LSM1: variants seen among roughly 807,000 people sequenced by gnomAD.
The protein encoded by LSM1 is U6 snRNA-associated Sm-like protein LSm1.
Under a neutral mutation model 18.0 loss-of-function variants are expected in LSM1, and 13 were observed. That is an observed-to-expected ratio of 0.72 (90% CI 0.47 to 1.15). LSM1 has a LOEUF of 1.15. Ranked by LOEUF, LSM1 falls within the 50% of genes most tolerant of loss-of-function variation. The pLI is 0.00. For synonymous variants in LSM1, 46 were observed against 56.0 expected (o/e 0.82, Z 0.80); for missense variants, 152 against 157.7 (o/e 0.96, Z 0.19).
chr8:38,176,187 C>A (rs1803139314), intron 1 of LSM1, 88 bp downstream of exon 1: 1 of 1,131,924 alleles, frequency 8.8e-7, no homozygotes, highest in Non-Finnish European at 1.3e-6. Context: ...CCGCCCGGGA[C>A]TCATTCTACA....
In LSM1 at chr8:38,169,933, G is replaced by A. The variant is rs1453636163; in HGVS notation, c.116-16C>T. 1 of 1,393,200 alleles carries A rather than the reference G, an allele frequency of 7.2e-7. No homozygotes were observed. Among genetic ancestry groups the A allele is most frequent in the South Asian group, 1.2e-5 (1 of 84,832 alleles). The allele number at this position is 1,393,200 out of a possible 1,614,324, so 86.3% of individuals were successfully genotyped here. A position where few individuals can be genotyped will look rare whatever the true frequency, so the allele number is the denominator to read the frequency against. ...ACTAAGTTTGCTGTAAGTGTATAGG[G>A]AAAAACCAAAGATATTTAGTTTAAA... On this transcript the variant is annotated splice_polypyrimidine_tract_variant and intron_variant, in intron 2 of 3. Transcript: ENST00000311351.
At chr8:38,175,497 A>C (rs559678127) in intron 1 of LSM1, among the ~76,000 whole-genome samples, 1 of 152,222 alleles carries the variant, frequency 6.6e-6, no homozygotes, top group Non-Finnish European at 1.5e-5. Context: ...CATGATTAAA[A>C]CAATAAAAAA....
chr8:38,168,929 T>A (rs990872716), intron 3 of LSM1, among the ~76,000 whole-genome samples: 1 of 152,092 alleles, frequency 6.6e-6, no homozygotes, highest in Non-Finnish European at 1.5e-5. Flanking sequence ...CTGTTAAAAA[T>A]GGCTACAAAC....
chr8:38,164,470 C>A (rs1802895167), intron 3 of LSM1, among the ~76,000 whole-genome samples: 1 of 150,906 alleles, frequency 6.6e-6, no homozygotes, highest in Non-Finnish European at 1.5e-5. Context: ...TCCCCCACTG[C>A]AGAGAATCCA....
rs569057427 is a variant in LSM1 at position 38,165,050 on chromosome 8, TA to T, written c.232-1211del. 2.5e-4 allele frequency among the ~76,000 whole-genome samples: 38 copies of T among 152,140 alleles called. 3 individuals are homozygous for T. In the South Asian group the frequency reaches 7.9e-3, roughly 32 times the overall value. On this transcript the variant is annotated intron_variant, in intron 3 of 3. Coordinates refer to ENST00000311351, the MANE Select transcript of LSM1 (RefSeq NM_014462.3). The stretch of plus-strand genomic sequence containing the variant: ...GGTCCCAATATTTTTCTCCACTATT[TA>T]AAAAATTGCTGCTTAGGTTGGGCAT...
chr8:38,175,448 T>C (rs1803115986), intron 1 of LSM1, among the ~76,000 whole-genome samples: 1 of 152,204 alleles, frequency 6.6e-6, no homozygotes, highest in African/African-American at 2.4e-5. Context: ...TTTAAAACTA[T>C]GTGTAAATCA....
At chr8:38,176,555 T>G (rs573647909), upstream of LSM1, 2 of 578,518 alleles carry the variant, frequency 3.5e-6, no homozygotes, top group South Asian at 4.6e-5. Flanking sequence ...AGCCGTACCG[T>G]TGGGGGACAC....
At position 38,175,965 on chromosome 8, in the gene LSM1, C is replaced by CT. The variant is rs756544880; in HGVS notation, c.46+309dup. 1.5e-3 allele frequency: 449 copies of CT among 309,102 alleles called. 1 individual carries two copies. Among genetic ancestry groups the CT allele is most frequent in the Middle Eastern group, 1.9e-3 (2 of 1,042 alleles). 19.1% of individuals were successfully genotyped at this position (309,102 alleles called of 1,614,324 possible). A position where few individuals can be genotyped will look rare whatever the true frequency, so the allele number is the denominator to read the frequency against. The stretch of plus-strand genomic sequence containing the variant: ...AGTGGACGGGGGAGAAGCCCCCCCC[C>CT]TCCCCGGGCTTCTTTCGTGTTCGGG... On this transcript the variant is annotated intron_variant, in intron 1 of 3. Transcript: ENST00000311351.
chr8:38,175,964 C>G (rs879595087), intron 1 of LSM1: 73 of 310,808 alleles, frequency 2.3e-4, no homozygotes, highest in Admixed American at 1.6e-3. Context: ...AAGCCCCCCC[C>G]CTCCCCGGGC....
chr8:38,168,704 T>C (rs1321326007), intron 3 of LSM1, among the ~76,000 whole-genome samples: 1 of 151,748 alleles, frequency 6.6e-6, no homozygotes, highest in African/African-American at 2.4e-5. Context: ...AAGAAAAATT[T>C]TTATAAGTAT....
At chr8:38,170,497 A>T (rs533944340) in intron 2 of LSM1, among the ~76,000 whole-genome samples, 1 of 152,358 alleles carries the variant, frequency 6.6e-6, no homozygotes, top group East Asian at 1.9e-4. Context: ...GTTAATTGCT[A>T]ATACCAAAAA....
At chr8:38,164,777 A>G (rs932763904) in intron 3 of LSM1, among the ~76,000 whole-genome samples, 7 of 152,088 alleles carry the variant, frequency 4.6e-5, no homozygotes, top group Admixed American at 3.9e-4. Context: ...TCAAGGCTGC[A>G]GTGAGCCATG....
Position 38,169,932 on chromosome 8 carries a change from G to C in LSM1, c.116-15C>G. 5 of 1,405,580 alleles carry C rather than the reference G, an allele frequency of 3.6e-6. No homozygotes were observed. Among genetic ancestry groups the C allele is most frequent in the Non-Finnish European group, 5.0e-6 (5 of 993,786 alleles). 87.1% of individuals were successfully genotyped at this position (1,405,580 alleles called of 1,614,324 possible). On this transcript the variant is annotated splice_polypyrimidine_tract_variant and intron_variant, in intron 2 of 3. Coordinates refer to ENST00000311351, the MANE Select transcript of LSM1 (RefSeq NM_014462.3). Reference sequence around the variant, plus strand: ...CACTAAGTTTGCTGTAAGTGTATAGGGAAAAACCAAAGATATTTAGTTTAA... The same window carrying C: ...CACTAAGTTTGCTGTAAGTGTATAGCGAAAAACCAAAGATATTTAGTTTAA...
upstream of LSM1, chr8:38,176,565 C>A (rs992248036): frequency 3.5e-6 from 2 of 576,624 alleles, no homozygotes; most frequent in African/African-American, 1.9e-5. Flanking sequence ...TTGGGGGACA[C>A]CCTTTCCCTG....
chr8:38,164,751 C>G (rs1277627617), intron 3 of LSM1, among the ~76,000 whole-genome samples: 1 of 151,952 alleles, frequency 6.6e-6, no homozygotes, highest in East Asian at 1.9e-4. Context: ...ACTGCTTGAG[C>G]CTGGGAGGTT....
At chr8:38,169,738 C>G (rs1355429204) in intron 3 of LSM1, 64 bp downstream of exon 3, 2 of 931,866 alleles carry the variant, frequency 2.1e-6, no homozygotes, top group African/African-American at 1.7e-5. Context: ...TTTGAAAAGA[C>G]AAAAAAAGAA....
At chr8:38,174,220 G>A (rs558902712) in intron 1 of LSM1, among the ~76,000 whole-genome samples, 2 of 152,094 alleles carry the variant, frequency 1.3e-5, no homozygotes, top group African/African-American at 4.8e-5. Flanking sequence ...TGAAGAGAAC[G>A]GAGAAAATAT....
At chr8:38,172,304 T>G (rs371861507) in intron 1 of LSM1, among the ~76,000 whole-genome samples, 137 of 141,276 alleles carry the variant, frequency 9.7e-4, no homozygotes, top group African/African-American at 3.4e-3. Flanking sequence ...CTTATGTTGG[T>G]TTTTTTTTTT....
At chr8:38,165,243 C>G (rs1191995613) in intron 3 of LSM1, among the ~76,000 whole-genome samples, 1 of 152,092 alleles carries the variant, frequency 6.6e-6, no homozygotes, top group African/African-American at 2.4e-5. Flanking sequence ...ATCCCAGCTA[C>G]TTGGGAGGCT....
Sources: gnomAD v4.1 joint callset for allele counts (sites outside exome capture counted in the v4.1 genomes callset) on GRCh38, gnomAD v4.1.1 for gene constraint, MANE v1.5 for transcripts, NCBI Gene and HGNC (gene_info 2026-07-23, HGNC 2026-07-21) for gene names.